Variants in MEOX2 observed in about 807,000 individuals in gnomAD.
The protein encoded by MEOX2 is mesenchyme homeobox 2.
Under a neutral mutation model 27.0 loss-of-function variants are expected in MEOX2, and 11 were observed. The ratio of observed to expected loss-of-function variants is 0.41; its 90% CI spans 0.26 to 0.68. The LOEUF is 0.68. MEOX2 is among the 30% of genes least tolerant of loss of function. The pLI is 0.33. For synonymous variants in MEOX2, 189 were observed against 155.4 expected, an observed-to-expected ratio of 1.22 and a Z score of -1.61; for missense variants, 436 against 385.4, an observed-to-expected ratio of 1.13 and a Z score of -1.10.
chr7:15,679,753 T>C lies in MEOX2; in HGVS notation c.517+6133A>G, dbSNP rs191048462. ...TATCATACAAGTTAATGATCCAGTT[T>C]ATTAATTTCTAATTCTATTGATAAA... On this transcript the variant is annotated intron_variant, in intron 1 of 2. Transcript: ENST00000262041. The C allele has an allele frequency of 2.4e-4, 36 of 152,172 alleles. 1 individual carries two copies. The highest frequency in any genetic ancestry group is 3.4e-3 in the Middle Eastern group (1 of 294). 9.4% of individuals were successfully genotyped at this position (152,172 alleles called of 1,614,324 possible).
At chr7:15,658,456 T>A (rs1176427656) in intron 1 of MEOX2, among the ~76,000 whole-genome samples, 1 of 152,188 alleles carries the variant, frequency 6.6e-6, no homozygotes, top group Non-Finnish European at 1.5e-5. Flanking sequence ...ACAGCAAACA[T>A]CTGTTAGACA....
chr7:15,614,016 A>C (rs928698291), intron 2 of MEOX2, among the ~76,000 whole-genome samples: 3 of 151,060 alleles, frequency 2.0e-5, no homozygotes, highest in African/African-American at 4.8e-5. Context: ...GATGATTAGA[A>C]ACTCTTAATA....
intron 2 of MEOX2, among the ~76,000 whole-genome samples, chr7:15,621,578 G>C (rs1239923676): frequency 6.6e-6 from 1 of 152,252 alleles, no homozygotes; most frequent in East Asian, 1.9e-4. Flanking sequence ...TATACCTTAT[G>C]TTTTTCTAAA....
intron 2 of MEOX2, among the ~76,000 whole-genome samples, chr7:15,620,298 A>C (rs1052897700): frequency 2.0e-5 from 3 of 152,222 alleles, no homozygotes; most frequent in Admixed American, 6.5e-5. Flanking sequence ...ACATAGGTAG[A>C]CTTGAATTAA....
chr7:15,636,753 AGAAATTTATTT>A (rs1381962715), intron 1 of MEOX2, among the ~76,000 whole-genome samples: 13 of 152,096 alleles, frequency 8.5e-5, no homozygotes, highest in African/African-American at 2.9e-4. Flanking sequence ...TTAAAAAACC[AGAAATTTATTT>A]CCTACAATCC....
In MEOX2 at chr7:15,652,076, C is replaced by A. The variant is rs551631349; in HGVS notation, c.518-25158G>T. Among the ~76,000 whole-genome samples, 8 of 152,098 alleles carry A rather than the reference C, an allele frequency of 5.3e-5. No individual in the cohort carries two copies. The South Asian group carries it at 1.0e-3, about 20-fold the overall frequency. ...AAATACCATCTTTAAAAGAAATAAT[C>A]TTTTAAGATAATAGGGATTTAAGAC... On this transcript the variant is annotated intron_variant, in intron 1 of 2. Transcript: ENST00000262041.
intron 1 of MEOX2, among the ~76,000 whole-genome samples, chr7:15,652,676 T>G (rs1187474299): frequency 6.6e-6 from 1 of 152,054 alleles, no homozygotes; most frequent in African/African-American, 2.4e-5. Context: ...AAGTTCTCTA[T>G]GTCTGTAATT....
At position 15,646,619 on chromosome 7, in the gene MEOX2, C is replaced by A. The variant is rs536639030; in HGVS notation, c.518-19701G>T. 9.2e-5 allele frequency among the ~76,000 whole-genome samples: 14 copies of A among 152,002 alleles called. No individual in the cohort carries two copies. In the South Asian group the frequency reaches 2.9e-3, roughly 31 times the overall value. The stretch of plus-strand genomic sequence containing the variant: ...CTATCATACTTATCTATGAAAATGT[C>A]TTCTTAAAAGAAAGTACTTCAAGGA... On this transcript the variant is annotated intron_variant, in intron 1 of 2. Coordinates refer to ENST00000262041, the MANE Select transcript of MEOX2 (RefSeq NM_005924.5).
At chr7:15,667,020 A>T (rs907315038) in intron 1 of MEOX2, among the ~76,000 whole-genome samples, 2 of 149,772 alleles carry the variant, frequency 1.3e-5, no homozygotes, top group Non-Finnish European at 3.0e-5. Context: ...GGCTGGGTGC[A>T]GTGGCTCACA....
intron 2 of MEOX2, 45 bp downstream of exon 2, chr7:15,626,701 C>T: frequency 7.0e-7 from 1 of 1,438,088 alleles, no homozygotes; most frequent in Non-Finnish European, 9.7e-7. Flanking sequence ...ACTGTGGACC[C>T]AGGGCAATTA....
chr7:15,636,647 C>T (rs757489943), intron 1 of MEOX2, among the ~76,000 whole-genome samples: 3 of 152,080 alleles, frequency 2.0e-5, no homozygotes, highest in Non-Finnish European at 2.9e-5. Flanking sequence ...TTCAATTATA[C>T]ATGCCATATA....
chr7:15,615,143 T>C (rs1337735635), intron 2 of MEOX2, among the ~76,000 whole-genome samples: 1 of 151,250 alleles, frequency 6.6e-6, no homozygotes, highest in Admixed American at 6.6e-5. Context: ...TTTTATTATA[T>C]ACCTATGTAG....
chr7:15,664,931 A>G (rs995796322), intron 1 of MEOX2, among the ~76,000 whole-genome samples: 1 of 152,100 alleles, frequency 6.6e-6, no homozygotes, highest in African/African-American at 2.4e-5. Context: ...AGCAAAAGTG[A>G]CTTTTGTGTT....
chr7:15,614,842 T>C (rs1469759596), intron 2 of MEOX2, among the ~76,000 whole-genome samples: 12 of 152,038 alleles, frequency 7.9e-5, no homozygotes, highest in Non-Finnish European at 2.9e-5. Context: ...TGAAGAAAAA[T>C]ATATTAAATT....
chr7:15,640,254 TTGTG>T (rs34600761), intron 1 of MEOX2, among the ~76,000 whole-genome samples: 83 of 145,974 alleles, frequency 5.7e-4, no homozygotes, highest in South Asian at 1.7e-3. Flanking sequence ...GTGTGTGTGT[TTGTG>T]TGTGTGTGTG....
chr7:15,621,517 T>G (rs191164715), intron 2 of MEOX2, among the ~76,000 whole-genome samples: 10 of 152,324 alleles, frequency 6.6e-5, no homozygotes, highest in African/African-American at 1.2e-4. Context: ...ATGACTATTC[T>G]TCAGAATGGA....
At chr7:15,637,908 C>T (rs1362446094) in intron 1 of MEOX2, among the ~76,000 whole-genome samples, 1 of 151,914 alleles carries the variant, frequency 6.6e-6, no homozygotes, top group Non-Finnish European at 1.5e-5. Context: ...GATATAGTAT[C>T]AATTCAATAA....
At chr7:15,654,846 T>C (rs1032106140) in intron 1 of MEOX2, among the ~76,000 whole-genome samples, 1 of 151,722 alleles carries the variant, frequency 6.6e-6, no homozygotes, top group Admixed American at 6.6e-5. Flanking sequence ...TCTGTGGTTT[T>C]CTTCTGTTAT....
intron 2 of MEOX2, among the ~76,000 whole-genome samples, chr7:15,617,656 G>C (rs530846969): frequency 2.0e-5 from 3 of 151,958 alleles, no homozygotes; most frequent in East Asian, 1.9e-4. Context: ...ACAATTAAAG[G>C]GTGTTTGTGT....
Sources: gnomAD v4.1 joint callset for allele counts (sites outside exome capture counted in the v4.1 genomes callset) on GRCh38, gnomAD v4.1.1 for gene constraint, MANE v1.5 for transcripts, NCBI Gene and HGNC (gene_info 2026-07-23, HGNC 2026-07-21) for gene names.